The following PRKCZ variants were observed in gnomAD, a reference collection of about 807,000 sequenced individuals.
PRKCZ encodes the protein protein kinase C zeta type.
Under a neutral mutation model 79.5 loss-of-function variants are expected in PRKCZ, and 33 were observed. The observed-to-expected ratio is 0.41, with a 90% CI of 0.31 to 0.55. PRKCZ has a LOEUF of 0.55. PRKCZ is among the 20% of genes least tolerant of loss of function. PRKCZ has a pLI of 0.19. For synonymous variants in PRKCZ, 342 were observed against 320.9 expected, an observed-to-expected ratio of 1.07 and a Z score of -0.70; for missense variants, 578 against 813.5, an observed-to-expected ratio of 0.71 and a Z score of 3.52.
At chr1:2,119,361 C>G (rs899720112) in intron 4 of PRKCZ, among the ~76,000 whole-genome samples, 2 of 151,636 alleles carry the variant, frequency 1.3e-5, no homozygotes, top group African/African-American at 2.4e-5. Context: ...ATTACAGGTG[C>G]CCACCACCAT....
intron 8 of PRKCZ, 41 bp from the exon 9 acceptor site, chr1:2,150,749 A>T (rs956408397): frequency 1.9e-6 from 3 of 1,579,148 alleles, no homozygotes; most frequent in Non-Finnish European, 2.6e-6. Flanking sequence ...TCTCCCGGGA[A>T]CCCCCCTCTC....
Position 2,154,210 on chromosome 1 carries a change from G to A in PRKCZ, c.877-1785G>A, listed in dbSNP as rs898735981. 2.0e-5 allele frequency among the ~76,000 whole-genome samples: 3 copies of A among 152,192 alleles called. 1 individual carries two copies. The highest frequency in any genetic ancestry group is 7.2e-5 in the African/African-American group (3 of 41,448). ...AGCCACTGGAGATGGGAGGAGATGC[G>A]GGCTGGCGAGGAGCTCGGCTTGTGG... On this transcript the variant is annotated intron_variant, in intron 9 of 17. Transcript: ENST00000378567.
intron 4 of PRKCZ, among the ~76,000 whole-genome samples, chr1:2,124,134 C>T (rs878868369): frequency 2.3e-4 from 1 of 4,404 alleles, no homozygotes; most frequent in Non-Finnish European, 3.3e-4. Context: ...GTTAGGGTCA[C>T]GGTGGTGGTT....
chr1:2,140,982 A>T (rs959284614), intron 5 of PRKCZ: 1 of 152,272 alleles, frequency 6.6e-6, no homozygotes, highest in African/African-American at 2.4e-5. Context: ...GAGGGAGGGA[A>T]TATGAGCAAG....
rs904231139 is a variant in PRKCZ at position 2,054,772 on chromosome 1, C to T, written c.72-669C>T. Among the ~76,000 whole-genome samples the T allele has an allele frequency of 3.9e-5, 6 of 152,208 alleles. No homozygotes were observed. The South Asian group carries it at 8.3e-4, about 21-fold the overall frequency. The stretch of plus-strand genomic sequence containing the variant: ...CGGCGGCCTGCACCGACCCGGCTCG[C>T]GCCCATCCCGGGGTCACCCACATTT... On this transcript the variant is annotated intron_variant, in intron 1 of 17. Transcript: ENST00000378567.
rs1057329715 is a variant in PRKCZ at position 2,168,651 on chromosome 1, C to T, written c.975-867C>T. Among the ~76,000 whole-genome samples, 21 of 152,138 alleles carry T rather than the reference C, an allele frequency of 1.4e-4. No homozygotes were observed. The highest frequency in any genetic ancestry group is 4.8e-4 in the African/African-American group (20 of 41,504). ...CAGGTGCCTTGAGGCGTAACAGTGG[C>T]GGTGGTGTGGGAGCTTGCGTGGGAT... On this transcript the variant is annotated intron_variant, in intron 10 of 17. Coordinates refer to ENST00000378567, the MANE Select transcript of PRKCZ (RefSeq NM_002744.6). The surrounding 1 kb of genome is among the most constrained non-coding windows in gnomAD (Gnocchi z 4.7).
intron 10 of PRKCZ, among the ~76,000 whole-genome samples, chr1:2,161,139 C>T (rs1682200966): frequency 6.6e-6 from 1 of 152,254 alleles, no homozygotes; most frequent in South Asian, 2.1e-4. Context: ...CTGACTGACA[C>T]CCGTAGGGCC....
At chr1:2,048,635 A>T (rs1366876159), upstream of PRKCZ, among the ~76,000 whole-genome samples, 3 of 152,148 alleles carry the variant, frequency 2.0e-5, no homozygotes, top group African/African-American at 7.2e-5. Context: ...GTGGGGGAAG[A>T]CGTCAGCTGA....
At chr1:2,142,437 G>A in intron 5 of PRKCZ, 1 of 191,828 alleles carries the variant, frequency 5.2e-6, no homozygotes, top group Non-Finnish European at 1.1e-5. Context: ...TTCAATCCAG[G>A]GTCCACACAT....
chr1:2,107,704 CCCGGGCTGTGCCTCT>C (rs1553148928), intron 4 of PRKCZ, among the ~76,000 whole-genome samples: 1 of 151,934 alleles, frequency 6.6e-6, no homozygotes, highest in Non-Finnish European at 1.5e-5. Flanking sequence ...ATCCCCTCTA[CCCGGGCTGTGCCTCT>C]CCGGCCTGTG....
chr1:2,126,322 A>C (rs991417257), intron 4 of PRKCZ, among the ~76,000 whole-genome samples: 1 of 152,152 alleles, frequency 6.6e-6, no homozygotes, highest in Non-Finnish European at 1.5e-5. Context: ...CCTGGGCTGC[A>C]GGGGCTGCCC....
intron 4 of PRKCZ, among the ~76,000 whole-genome samples, chr1:2,097,769 G>A (rs1031209623): frequency 9.9e-5 from 15 of 152,190 alleles, no homozygotes; most frequent in South Asian, 2.1e-4. Flanking sequence ...TTTGGGTGCT[G>A]CAAAAGAAAT....
chr1:2,089,040 C>G (rs1040289120), intron 4 of PRKCZ, among the ~76,000 whole-genome samples: 1 of 152,232 alleles, frequency 6.6e-6, no homozygotes, highest in African/African-American at 2.4e-5. Flanking sequence ...AGGTTAGAAT[C>G]CCTCCCTGTC....
At chr1:2,067,425 G>A (rs1050948110) in intron 4 of PRKCZ, among the ~76,000 whole-genome samples, 3 of 152,196 alleles carry the variant, frequency 2.0e-5, no homozygotes, top group Non-Finnish European at 4.4e-5. Context: ...GGGCTGGGTC[G>A]TTCGGGGCTG....
chr1:2,071,910 C>T (rs1225640385), intron 4 of PRKCZ, among the ~76,000 whole-genome samples: 2 of 152,220 alleles, frequency 1.3e-5, no homozygotes, highest in African/African-American at 2.4e-5. Flanking sequence ...CAAGGAGGTG[C>T]ATGGCCGTGT....
chr1:2,056,631 CT>C (rs1234577520), intron 3 of PRKCZ, 58 bp downstream of exon 3: 1 of 1,465,998 alleles, frequency 6.8e-7, no homozygotes, highest in African/African-American at 1.4e-5. Flanking sequence ...CTGTGGGTGT[CT>C]GCCGACTAGC....
At chr1:2,067,860 T>C (rs1661250128) in intron 4 of PRKCZ, among the ~76,000 whole-genome samples, 1 of 152,232 alleles carries the variant, frequency 6.6e-6, no homozygotes, top group Non-Finnish European at 1.5e-5. Flanking sequence ...CCTTCTGGCT[T>C]CCCCTAGTGA....
intron 4 of PRKCZ, among the ~76,000 whole-genome samples, chr1:2,099,307 C>T (rs1406963246): frequency 6.6e-6 from 1 of 152,220 alleles, no homozygotes; most frequent in Non-Finnish European, 1.5e-5. Flanking sequence ...AGACCTTTTC[C>T]CAGCTGGAGC....
rs112832608 is a variant in PRKCZ at position 2,083,447 on chromosome 1, A to G, written c.334+23856A>G. On this transcript the variant is annotated intron_variant, in intron 4 of 17. Transcript: ENST00000378567. ...GAACGAGGAATATTTATTCCTCATT[A>G]ACTCTAATTAATGTATGATTAATTA... Among the ~76,000 whole-genome samples the G allele has an allele frequency of 5.2e-3, 791 of 152,342 alleles. 8 individuals are homozygous for G. Among genetic ancestry groups the G allele is most frequent in the African/African-American group, 0.018 (742 of 41,572 alleles).
Sources: allele counts gnomAD v4.1 joint callset (sites outside exome capture counted in the v4.1 genomes callset), GRCh38; gene constraint gnomAD v4.1.1; non-coding constraint Gnocchi (gnomAD v3.1); transcripts MANE v1.5; gene names NCBI Gene and HGNC (gene_info 2026-07-23, HGNC 2026-07-21).